Variants in NTNG1 observed in about 807,000 individuals in gnomAD.
NTNG1 encodes the protein netrin G1, also known as netrin-G1.
NTNG1 carries 16 observed loss-of-function variants against 54.0 expected under a neutral mutation model. That is an observed-to-expected ratio of 0.30 (90% CI 0.20 to 0.45). The LOEUF is 0.45. Ranked by LOEUF, NTNG1 falls within the 20% of genes least tolerant of loss-of-function variation. The probability of loss-of-function intolerance (pLI) is 1.00; values close to 1 mark genes in which losing one functional copy is unlikely to be tolerated. For synonymous variants in NTNG1, 255 were observed against 263.1 expected, an observed-to-expected ratio of 0.97 and a Z score of 0.30; for missense variants, 530 against 678.7, an observed-to-expected ratio of 0.78 and a Z score of 2.43.
intron 5 of NTNG1, among the ~76,000 whole-genome samples, chr1:107,420,051 G>GT (rs1674479954): frequency 6.6e-6 from 1 of 151,994 alleles, no homozygotes; most frequent in South Asian, 2.1e-4. Flanking sequence ...ATGTCACTCA[G>GT]TATTTCCTAT....
chr1:107,285,565 T>A (rs1665141971), intron 2 of NTNG1, among the ~76,000 whole-genome samples: 1 of 152,162 alleles, frequency 6.6e-6, no homozygotes, highest in Non-Finnish European at 1.5e-5. Flanking sequence ...TTTTAATATA[T>A]GAAAATAGTG....
At chr1:107,189,456 G>C (rs1373011454) in intron 2 of NTNG1, among the ~76,000 whole-genome samples, 1 of 147,526 alleles carries the variant, frequency 6.8e-6, no homozygotes, top group Non-Finnish European at 1.5e-5. Flanking sequence ...ACAACCAGTG[G>C]TCTTGAAAAA....
chr1:107,450,308 G>T (rs1289223990), intron 7 of NTNG1, among the ~76,000 whole-genome samples: 3 of 152,110 alleles, frequency 2.0e-5, no homozygotes, highest in Admixed American at 2.0e-4. Flanking sequence ...GTTGAAAAAT[G>T]CAGCCTCAGC....
intron 3 of NTNG1, among the ~76,000 whole-genome samples, chr1:107,355,398 T>A (rs993637915): frequency 6.6e-6 from 1 of 152,158 alleles, no homozygotes; most frequent in African/African-American, 2.4e-5. Context: ...GTAATTTATC[T>A]TTCCCAATTC....
At chr1:107,203,567 ATAGT>A (rs1658926592) in intron 2 of NTNG1, among the ~76,000 whole-genome samples, 1 of 106,342 alleles carries the variant, frequency 9.4e-6, no homozygotes, top group Non-Finnish European at 2.0e-5. Flanking sequence ...ATTCATATAT[ATAGT>A]TACTGTGTGT....
Position 107,324,472 on chromosome 1 carries a change from A to G in NTNG1, c.437A>G (p.Asp146Gly). The G allele has an allele frequency of 6.2e-7, 1 of 1,613,840 alleles. No individual in the cohort carries two copies. Among genetic ancestry groups the G allele is most frequent in the East Asian group, 2.2e-5 (1 of 44,842 alleles). ...TGGAGCAAAACCATTGAGCTAACAG[A>G]CAACATAGTTATTACCTTTGAATCT... is the stretch of plus-strand genomic sequence containing the variant. ...LSWSKTIELT[D>G]NIVITFESGR... Residue 146 changes from aspartate (D) to glycine (G), a missense_variant, in exon 3 of 8, where the codon GAC becomes GGC. By Grantham distance (94) the Asp-to-Gly change is moderately conservative. Around this residue, in one of 2 missense-constraint regions of NTNG1, gnomAD observed 318 missense variants for 465.1 expected, o/e 0.68. Transcript: ENST00000370068.
At chr1:107,450,116 C>T (rs1570986501) in intron 7 of NTNG1, among the ~76,000 whole-genome samples, 1 of 152,032 alleles carries the variant, frequency 6.6e-6, no homozygotes, top group Admixed American at 6.6e-5. Flanking sequence ...AATATATTAA[C>T]ACCTGTTAAT....
At chr1:107,372,533 ATTG>A (rs1409489511) in intron 3 of NTNG1, among the ~76,000 whole-genome samples, 2 of 152,208 alleles carry the variant, frequency 1.3e-5, no homozygotes, top group African/African-American at 4.8e-5. Context: ...GAGAACATAC[ATTG>A]TATAACTTCA....
chr1:107,269,877 C>T (rs560951905), intron 2 of NTNG1, among the ~76,000 whole-genome samples: 1 of 152,212 alleles, frequency 6.6e-6, no homozygotes, highest in South Asian at 2.1e-4. Context: ...ACATAGACAT[C>T]AGCAGCTTTA....
intron 2 of NTNG1, among the ~76,000 whole-genome samples, chr1:107,292,327 A>T (rs551972557): frequency 6.6e-6 from 1 of 152,166 alleles, no homozygotes; most frequent in Non-Finnish European, 1.5e-5. Context: ...GGCAAGTTTT[A>T]GATCAGGAGT....
intron 2 of NTNG1, among the ~76,000 whole-genome samples, chr1:107,316,023 C>T (rs555460653): frequency 6.6e-6 from 1 of 152,226 alleles, no homozygotes; most frequent in Non-Finnish European, 1.5e-5. Flanking sequence ...ATTAAGATGT[C>T]ATTAATAAAG....
In NTNG1 at chr1:107,297,116, A is replaced by C. The variant is rs202045136; in HGVS notation, c.247-27166A>C. Among the ~76,000 whole-genome samples the C allele has an allele frequency of 2.0e-3, 244 of 121,406 alleles. 1 individual carries two copies. The highest frequency in any genetic ancestry group is 0.015 in the East Asian group (61 of 4,074). 79.6% of individuals were successfully genotyped at this position (121,406 alleles called of 152,430 possible). On this transcript the variant is annotated intron_variant, in intron 2 of 7. Transcript: ENST00000370068. ...ACACACACACACACACACACACACAAACACACACATATATATATATAACAT... is the reference window on the plus strand; with the variant it reads ...ACACACACACACACACACACACACACACACACACATATATATATATAACAT...
intron 2 of NTNG1, among the ~76,000 whole-genome samples, chr1:107,272,322 C>T (rs1280138385): frequency 6.6e-6 from 1 of 151,958 alleles, no homozygotes; most frequent in East Asian, 1.9e-4. Flanking sequence ...AGCTTTTTTT[C>T]GGGAACACAG....
chr1:107,484,110 T>C lies in NTNG1; in HGVS notation c.*3270T>C, dbSNP rs985712075. On this transcript the variant is annotated 3_prime_UTR_variant, in exon 8 of 8. Coordinates refer to ENST00000370068, the MANE Select transcript of NTNG1 (RefSeq NM_001113226.3). ...TTTAAACTCCTGGAGGCAAGCAACA[T>C]CCTGAGTGCATATACCTGGGCACAG... Among the ~76,000 whole-genome samples, 1 of 152,186 alleles carries C rather than the reference T, an allele frequency of 6.6e-6. No individual in the cohort carries two copies. The highest frequency in any genetic ancestry group is 2.4e-5 in the African/African-American group (1 of 41,444).
intron 2 of NTNG1, among the ~76,000 whole-genome samples, chr1:107,256,620 G>A (rs1662952144): frequency 6.6e-6 from 1 of 152,184 alleles, no homozygotes; most frequent in Non-Finnish European, 1.5e-5. Flanking sequence ...GCTAAGGGGA[G>A]GATGTTCAGG....
chr1:107,353,181 G>A (rs944702277), intron 3 of NTNG1, among the ~76,000 whole-genome samples: 1 of 152,056 alleles, frequency 6.6e-6, no homozygotes, highest in Non-Finnish European at 1.5e-5. Context: ...TCTACCACAT[G>A]GCCAGGCTGC....
At chr1:107,176,261 A>G (rs892493218) in intron 2 of NTNG1, among the ~76,000 whole-genome samples, 9 of 152,144 alleles carry the variant, frequency 5.9e-5, no homozygotes, top group African/African-American at 2.2e-4. Flanking sequence ...TTCAACTGCA[A>G]TCAGCAACTT....
In NTNG1 at chr1:107,277,553, ATACT is replaced by A. The variant is rs550831126; in HGVS notation, c.247-46726_247-46723del. 9.5e-4 allele frequency among the ~76,000 whole-genome samples: 144 copies of A among 152,374 alleles called. 2 individuals carry two copies. Among genetic ancestry groups the A allele is most frequent in the African/African-American group, 3.3e-3 (139 of 41,596 alleles). On this transcript the variant is annotated intron_variant, in intron 2 of 7. Transcript: ENST00000370068. ...TTCTGACATGATAGAGAAAAATAAA[ATACT>A]TAAGTGAACAAAATTAAAACACTAC... is the stretch of plus-strand genomic sequence containing the variant.
At chr1:107,256,703 G>A (rs1293450992) in intron 2 of NTNG1, among the ~76,000 whole-genome samples, 1 of 152,168 alleles carries the variant, frequency 6.6e-6, no homozygotes, top group African/African-American at 2.4e-5. Context: ...TGGACGGGAG[G>A]AGAGGAGAGA....
Sources: gnomAD v4.1 joint callset for allele counts (sites outside exome capture counted in the v4.1 genomes callset) on GRCh38, gnomAD v4.1.1 for gene constraint, gnomAD v4.1.1 regional missense constraint, MANE v1.5 for transcripts, NCBI Gene and HGNC (gene_info 2026-07-23, HGNC 2026-07-21) for gene names.